The following MID1 variants were observed in gnomAD, a reference collection of about 807,000 sequenced individuals.
MID1 encodes E3 ubiquitin-protein ligase Midline-1.
A neutral mutation model predicts 40.4 loss-of-function variants in MID1; 7 were observed. The ratio of observed to expected loss-of-function variants is 0.17; its 90% confidence interval spans 0.10 to 0.33. The LOEUF is 0.33. Ranked by LOEUF, MID1 falls within the 10% of genes least tolerant of loss-of-function variation. The probability of loss-of-function intolerance (pLI) is 1.00; values close to 1 mark genes in which losing one functional copy is unlikely to be tolerated. For missense variants in MID1, 367 were observed against 558.5 expected, an observed-to-expected ratio of 0.66 and a Z score of 3.46; for synonymous variants, 229 against 221.2, an observed-to-expected ratio of 1.04 and a Z score of -0.31.
At chrX:10,454,474 G>A (rs1928532438) in intron 9 of MID1, among the ~76,000 whole-genome samples, 1 of 110,902 alleles carries the variant, frequency 9.0e-6, no homozygotes, top group Non-Finnish European at 1.9e-5. Context: ...GGCAGCCATG[G>A]ACTATATGTA....
At chrX:10,662,667 G>T (rs2147584546) in intron 1 of MID1, among the ~76,000 whole-genome samples, 1 of 111,942 alleles carries the variant, frequency 8.9e-6, no homozygotes, top group Non-Finnish European at 1.9e-5. Flanking sequence ...ACTGCTGATT[G>T]TGCAATAATT....
chrX:10,610,592 G>T (rs1935720433), intron 1 of MID1, among the ~76,000 whole-genome samples: 1 of 111,514 alleles, frequency 9.0e-6, no homozygotes, highest in Non-Finnish European at 1.9e-5. Context: ...TGTGTAAGAG[G>T]AGGGAAATAT....
At chrX:10,561,104 A>AC (rs1934320565) in intron 2 of MID1, among the ~76,000 whole-genome samples, 1 of 106,630 alleles carries the variant, frequency 9.4e-6, no homozygotes, top group Non-Finnish European at 1.9e-5. Flanking sequence ...CCTGACAAAA[A>AC]CAAGCAATGG....
chrX:10,639,998 A>G (rs1192981523), intron 1 of MID1, among the ~76,000 whole-genome samples: 2 of 111,939 alleles, frequency 1.8e-5, no homozygotes, highest in African/African-American at 3.3e-5. Flanking sequence ...CCTGCCTTAC[A>G]AGAGCTCCTG....
intron 1 of MID1, among the ~76,000 whole-genome samples, chrX:10,588,629 GTC>G (rs1208569937): frequency 9.3e-6 from 1 of 107,560 alleles, no homozygotes; most frequent in South Asian, 4.1e-4. Context: ...CTGTCTCTCT[GTC>G]TCTCTCTGAC....
upstream of MID1, among the ~76,000 whole-genome samples, chrX:10,621,536 A>T (rs961094176): frequency 8.9e-6 from 1 of 112,124 alleles, no homozygotes; most frequent in African/African-American, 3.2e-5. Flanking sequence ...TTTTCCCCCA[A>T]GAAATGACCG....
At chrX:10,493,248 T>C (rs1202089749) in intron 4 of MID1, among the ~76,000 whole-genome samples, 3 of 111,243 alleles carry the variant, frequency 2.7e-5, no homozygotes, top group Middle Eastern at 4.6e-3. Context: ...AGAGAAGACG[T>C]GAGGATGGGA....
intron 1 of MID1, among the ~76,000 whole-genome samples, chrX:10,681,015 G>A (rs2043055586): frequency 1.0e-5 from 1 of 96,555 alleles, no homozygotes; most frequent in Non-Finnish European, 2.0e-5. Context: ...GACAGAGCCA[G>A]ACCCTGTCTC....
chrX:10,551,157 T>C (rs769065524), intron 2 of MID1, among the ~76,000 whole-genome samples: 2 of 112,451 alleles, frequency 1.8e-5, no homozygotes, highest in Non-Finnish European at 3.8e-5. Flanking sequence ...AAATAGTTGT[T>C]ACATTGTATT....
intron 1 of MID1, among the ~76,000 whole-genome samples, chrX:10,830,393 C>T (rs953571693): frequency 1.8e-5 from 2 of 112,463 alleles, no homozygotes; most frequent in Admixed American, 1.9e-4. Context: ...CTCTTATATA[C>T]CCATTTTTCC....
intron 1 of MID1, among the ~76,000 whole-genome samples, chrX:10,797,798 G>A (rs1214401392): frequency 8.9e-6 from 1 of 111,928 alleles, no homozygotes; most frequent in African/African-American, 3.2e-5. Context: ...CTGTCTCCAT[G>A]AGACAAGCAA....
chrX:10,446,937 C>T lies in MID1; in HGVS notation c.*2431G>A, dbSNP rs1423192228. On this transcript the variant is annotated 3_prime_UTR_variant, in exon 10 of 10. Transcript: ENST00000317552. ...CCCAAATAATAAAATACTGTGACCT[C>T]AATCAGTTTAAAGAGAATGCAAAAT... The T allele has an allele frequency of 9.0e-6, 1 of 111,533 alleles. No individual in the cohort carries two copies. The highest frequency in any genetic ancestry group is 3.3e-5 in the African/African-American group (1 of 30,599). The allele number at this position is 111,533 out of a possible 1,213,427, so 9.2% of individuals were successfully genotyped here. A position where few individuals can be genotyped will look rare whatever the true frequency, so the allele number is the denominator to read the frequency against.
At chrX:10,465,220 C>T (rs535473516) in intron 7 of MID1, among the ~76,000 whole-genome samples, 808 of 67,553 alleles carry the variant, frequency 0.012, 7 homozygotes, top group Non-Finnish European at 0.014. Flanking sequence ...TATATACACA[C>T]ACACACACAC....
chrX:10,687,775 G>A (rs367974231), intron 1 of MID1, among the ~76,000 whole-genome samples: 3 of 111,888 alleles, frequency 2.7e-5, no homozygotes, highest in East Asian at 2.8e-4. Flanking sequence ...GTGCAGTGAC[G>A]TGATCATGGC....
chrX:10,754,299 G>GTTTTT (rs1268373586), intron 1 of MID1, among the ~76,000 whole-genome samples: 49 of 102,150 alleles, frequency 4.8e-4, no homozygotes, highest in African/African-American at 2.1e-3. Flanking sequence ...AGACAAGAGA[G>GTTTTT]TTTTTTTTTG....
intron 1 of MID1, among the ~76,000 whole-genome samples, chrX:10,763,888 G>A (rs1457841050): frequency 1.8e-5 from 2 of 111,997 alleles, no homozygotes; most frequent in East Asian, 5.6e-4. Flanking sequence ...TCTCATTGTG[G>A]TTTTGATTTG....
intron 1 of MID1, among the ~76,000 whole-genome samples, chrX:10,570,236 G>T (rs1934685178): frequency 9.0e-6 from 1 of 111,337 alleles, no homozygotes; most frequent in Non-Finnish European, 1.9e-5. Flanking sequence ...TCCCCTGCTC[G>T]CCCCTGCAAG....
chrX:10,666,683 A>G (rs1166112621), intron 1 of MID1, among the ~76,000 whole-genome samples: 1 of 111,873 alleles, frequency 8.9e-6, no homozygotes, highest in East Asian at 2.8e-4. Context: ...TTCAGAGGAA[A>G]ACCACAAAGA....
upstream of MID1, among the ~76,000 whole-genome samples, chrX:10,621,223 A>G (rs1225303916): frequency 8.9e-6 from 1 of 111,817 alleles, no homozygotes; most frequent in Non-Finnish European, 1.9e-5. Flanking sequence ...TCAGAAAAAA[A>G]AAAATTTAGT....
Sources: allele counts gnomAD v4.1 joint callset (sites outside exome capture counted in the v4.1 genomes callset), GRCh38; gene constraint gnomAD v4.1.1; transcripts MANE v1.5; gene names NCBI Gene and HGNC (gene_info 2026-07-23, HGNC 2026-07-21).